Variants in FAM124A observed in about 807,000 individuals in gnomAD.
FAM124A encodes the protein protein FAM124A.
FAM124A carries 23 observed loss-of-function variants against 24.5 expected under a neutral mutation model. That is an observed-to-expected ratio of 0.94 (90% confidence interval 0.68 to 1.33). The LOEUF is 1.33. Ranked by LOEUF, FAM124A falls within the 40% of genes most tolerant of loss-of-function variation. The pLI is 0.00. For synonymous variants in FAM124A, 287 were observed against 314.7 expected (o/e 0.91, Z 0.93); for missense variants, 623 against 722.8 (o/e 0.86, Z 1.58).
chr13:51,239,889 C>T (rs1954473631), intron 2 of FAM124A, among the ~76,000 whole-genome samples: 1 of 152,154 alleles, frequency 6.6e-6, no homozygotes, highest in Non-Finnish European at 1.5e-5. Flanking sequence ...TCTATGGAGT[C>T]GGTTATAAAC....
At chr13:51,238,931 C>CA (rs913018674) in intron 2 of FAM124A, among the ~76,000 whole-genome samples, 6 of 151,736 alleles carry the variant, frequency 4.0e-5, no homozygotes, top group Non-Finnish European at 8.8e-5. Flanking sequence ...CATCCATTTC[C>CA]AAAAAAAATA....
Position 51,252,258 on chromosome 13 carries a change from G to C in FAM124A, c.834+57G>C, listed in dbSNP as rs143266431. 380 of 1,575,370 alleles carry C rather than the reference G, an allele frequency of 2.4e-4. 1 individual carries two copies. The African/African-American group carries it at 3.9e-3, about 16-fold the overall frequency. On this transcript the variant is annotated intron_variant, in intron 3 of 3. Transcript: ENST00000322475. Reference sequence around the variant, plus strand: ...GGGACCTGAGAAACCAGTTAGCTTTGCCTCAAACACTATAGTACCAGTCAC... The same window carrying C: ...GGGACCTGAGAAACCAGTTAGCTTTCCCTCAAACACTATAGTACCAGTCAC...
At chr13:51,244,380 C>G (rs1954533715) in intron 2 of FAM124A, among the ~76,000 whole-genome samples, 1 of 152,224 alleles carries the variant, frequency 6.6e-6, no homozygotes, top group South Asian at 2.1e-4. Context: ...ACTGTATCCT[C>G]TAGTGCCTGG....
chr13:51,256,824 T>C (rs1195523791), intron 3 of FAM124A, among the ~76,000 whole-genome samples: 1 of 152,212 alleles, frequency 6.6e-6, no homozygotes, highest in Non-Finnish European at 1.5e-5. Context: ...TGAAAGTCTG[T>C]ACCCACTGAT....
rs149726890 is a variant in FAM124A at position 51,272,621 on chromosome 13, CT to C, written c.835-7827del. ...AGTTGAACCACCAGATCAGCTACCT[CT>C]TCCCCTTCCCATCAGAAGGCCAAAG... On this transcript the variant is annotated intron_variant, in intron 3 of 3. Transcript: ENST00000322475. The surrounding 1 kb of genome is among the most constrained non-coding windows in gnomAD (Gnocchi z 4.2). 2.1e-3 allele frequency among the ~76,000 whole-genome samples: 315 copies of C among 151,808 alleles called. 2 individuals are homozygous for C. The highest frequency in any genetic ancestry group is 7.5e-3 in the African/African-American group (309 of 41,292).
At chr13:51,245,701 C>T (rs1430778990) in intron 2 of FAM124A, among the ~76,000 whole-genome samples, 1 of 152,206 alleles carries the variant, frequency 6.6e-6, no homozygotes, top group East Asian at 1.9e-4. Context: ...ACAGCCCTTG[C>T]TGTTCTCCAG....
In FAM124A at chr13:51,283,314, T is replaced by A. The variant is rs985781991; in HGVS notation, c.*2058T>A. On this transcript the variant is annotated 3_prime_UTR_variant, in exon 4 of 4. Coordinates refer to ENST00000322475, the MANE Select transcript of FAM124A (RefSeq NM_001242312.2). ...CCTTGGCCTCCCAAAGCACTGGGATTACAGGCATGAGCCACCATTCCCAGC... is the reference window on the plus strand; with the variant it reads ...CCTTGGCCTCCCAAAGCACTGGGATAACAGGCATGAGCCACCATTCCCAGC... 2 of 152,214 alleles carry A rather than the reference T, an allele frequency of 1.3e-5. No individual in the cohort carries two copies. The highest frequency in any genetic ancestry group is 2.9e-5 in the Non-Finnish European group (2 of 68,040). The allele number at this position is 152,214 out of a possible 1,614,324, so 9.4% of individuals were successfully genotyped here.
chr13:51,225,519 G>C (rs1323553534), intron 1 of FAM124A, among the ~76,000 whole-genome samples: 1 of 152,202 alleles, frequency 6.6e-6, no homozygotes, highest in Non-Finnish European at 1.5e-5. Flanking sequence ...ATGAGAATGA[G>C]CTGATAAAGG....
At chr13:51,267,931 T>C (rs1217693995) in intron 3 of FAM124A, among the ~76,000 whole-genome samples, 2 of 152,134 alleles carry the variant, frequency 1.3e-5, no homozygotes, top group African/African-American at 4.8e-5. Context: ...TCACGAGGCA[T>C]TGGGGATTGG....
chr13:51,281,388 C>A lies in FAM124A; in HGVS notation c.*132C>A. On this transcript the variant is annotated 3_prime_UTR_variant, in exon 4 of 4. Coordinates refer to ENST00000322475, the MANE Select transcript of FAM124A (RefSeq NM_001242312.2). ...CAGGAGCCCGTAGCACATTTGCCTA[C>A]CACCCACTCTTAGCTGGGGGGTGGT... is the stretch of plus-strand genomic sequence containing the variant. 2.3e-6 allele frequency: 2 copies of A among 864,940 alleles called. No homozygotes were observed. The highest frequency in any genetic ancestry group is 3.4e-6 in the Non-Finnish European group (2 of 592,316). 53.6% of individuals were successfully genotyped at this position (864,940 alleles called of 1,614,324 possible). A position where few individuals can be genotyped will look rare whatever the true frequency, so the allele number is the denominator to read the frequency against.
chr13:51,251,203 A>G lies in FAM124A; in HGVS notation c.101-265A>G, dbSNP rs946856743. On this transcript the variant is annotated intron_variant, in intron 2 of 3. Transcript: ENST00000322475. The surrounding 1 kb of genome is among the most constrained non-coding windows in gnomAD (Gnocchi z 5.3). The stretch of plus-strand genomic sequence containing the variant: ...AATGTTCCCTATACCAACCAACCTG[A>G]TGAAATACAGGACCAAGGTTCTCCT... Among the ~76,000 whole-genome samples the G allele has an allele frequency of 1.3e-5, 2 of 152,200 alleles. No individual in the cohort carries two copies. The highest frequency in any genetic ancestry group is 6.5e-5 in the Admixed American group (1 of 15,290).
intron 3 of FAM124A, among the ~76,000 whole-genome samples, chr13:51,277,219 CT>C (rs1488906344): frequency 6.6e-6 from 1 of 151,994 alleles, no homozygotes; most frequent in African/African-American, 2.4e-5. Flanking sequence ...AATGAAATAA[CT>C]CAGAAACAGA....
At chr13:51,277,115 C>G (rs866431599) in intron 3 of FAM124A, among the ~76,000 whole-genome samples, 1 of 151,802 alleles carries the variant, frequency 6.6e-6, no homozygotes, top group Non-Finnish European at 1.5e-5. Flanking sequence ...AAAAAAAATG[C>G]GGTATATATA....
At position 51,272,928 on chromosome 13, in the gene FAM124A, G is replaced by A. The variant is rs1000143233; in HGVS notation, c.835-7522G>A. Among the ~76,000 whole-genome samples, 4 of 152,202 alleles carry A rather than the reference G, an allele frequency of 2.6e-5. No individual in the cohort carries two copies. The highest frequency in any genetic ancestry group is 5.9e-5 in the Non-Finnish European group (4 of 68,030). On this transcript the variant is annotated intron_variant, in intron 3 of 3. Transcript: ENST00000322475. The surrounding 1 kb of genome is among the most constrained non-coding windows in gnomAD (Gnocchi z 4.2). ...TTGAACATTTACATCATTGCACAGA[G>A]TTCTATAGACAGCACTGCTCTAAGA...
At chr13:51,224,335 G>A (rs1440694621) in intron 1 of FAM124A, among the ~76,000 whole-genome samples, 1 of 152,218 alleles carries the variant, frequency 6.6e-6, no homozygotes, top group African/African-American at 2.4e-5. Context: ...GCCAGGTGTG[G>A]TGGCGCATGC....
chr13:51,272,918 A>G lies in FAM124A; in HGVS notation c.835-7532A>G, dbSNP rs1954852579. 6.6e-6 allele frequency among the ~76,000 whole-genome samples: 1 copy of G among 152,228 alleles called. No individual in the cohort carries two copies. The highest frequency in any genetic ancestry group is 2.1e-4 in the South Asian group (1 of 4,824). On this transcript the variant is annotated intron_variant, in intron 3 of 3. Transcript: ENST00000322475. The surrounding 1 kb of genome is among the most constrained non-coding windows in gnomAD (Gnocchi z 4.2). ...AGCACAGATATTGAACATTTACATC[A>G]TTGCACAGAGTTCTATAGACAGCAC...
intron 2 of FAM124A, among the ~76,000 whole-genome samples, chr13:51,250,698 C>A (rs1954610857): frequency 6.6e-6 from 1 of 152,214 alleles, no homozygotes; most frequent in African/African-American, 2.4e-5. Context: ...TCTCACCCTG[C>A]TTTCCTTCCA....
chr13:51,278,624 G>A (rs527536023), intron 3 of FAM124A, among the ~76,000 whole-genome samples: 2 of 152,030 alleles, frequency 1.3e-5, no homozygotes, highest in African/African-American at 2.4e-5. Context: ...CTCAAATTCC[G>A]CCCACCCAGC....
chr13:51,264,458 C>T (rs1190033477), intron 3 of FAM124A, among the ~76,000 whole-genome samples: 1 of 152,150 alleles, frequency 6.6e-6, no homozygotes, highest in East Asian at 1.9e-4. Flanking sequence ...CTTAAGACAG[C>T]TTCAAAGTTG....
Sources: allele counts gnomAD v4.1 joint callset (sites outside exome capture counted in the v4.1 genomes callset), GRCh38; gene constraint gnomAD v4.1.1; non-coding constraint Gnocchi (gnomAD v3.1); transcripts MANE v1.5; gene names NCBI Gene and HGNC (gene_info 2026-07-23, HGNC 2026-07-21).